The following KIAA1671 variants were observed in gnomAD, a reference collection of about 807,000 sequenced individuals.
The protein encoded by KIAA1671 is uncharacterized protein KIAA1671.
KIAA1671 carries 52 observed loss-of-function variants against 131.2 expected under a neutral mutation model. The observed-to-expected ratio is 0.40, with a 90% CI of 0.32 to 0.50. The LOEUF (loss-of-function observed/expected upper bound fraction) is 0.50, where lower values mean the gene tolerates loss of function less well. Among genes scored for constraint, KIAA1671 ranks in the 20% least tolerant of loss-of-function variants. The probability of loss-of-function intolerance (pLI) is 0.73; values close to 1 mark genes in which losing one functional copy is unlikely to be tolerated. For missense variants in KIAA1671, 2,360 were observed against 2,364.2 expected (o/e 1.00, Z 0.04); for synonymous variants, 1,003 against 961.6 (o/e 1.04, Z -0.80).
intron 1 of KIAA1671, among the ~76,000 whole-genome samples, chr22:25,016,859 C>T (rs7292362): frequency 0.21 from 31,598 of 152,094 alleles, 3,480 homozygotes; most frequent in Middle Eastern, 0.3. Flanking sequence ...AGTGAGCCAG[C>T]GGTGTTAAAC....
intron 6 of KIAA1671, among the ~76,000 whole-genome samples, chr22:25,137,124 G>A (rs1228120555): frequency 1.3e-5 from 2 of 152,246 alleles, no homozygotes; most frequent in Non-Finnish European, 2.9e-5. Context: ...CTGGGGTGCA[G>A]TGTTAGGGAT....
In KIAA1671 at chr22:25,177,354, T is replaced by A. The variant is rs1934069862; in HGVS notation, c.4906T>A (p.Ser1636Thr). 6.5e-7 allele frequency: 1 copy of A among 1,549,182 alleles called. No homozygotes were observed. The highest frequency in any genetic ancestry group is 8.7e-7 in the Non-Finnish European group (1 of 1,145,596). Residue 1636 changes from serine to threonine, a missense_variant, in exon 9 of 13, where the codon TCA becomes ACA. Coordinates refer to ENST00000358431, the MANE Select transcript of KIAA1671 (RefSeq NM_001145206.2). ...VDDFSFIDQT[S>T]VLDSSALKTR... ...CTCCCTGCTGCTCCCAAAGCAAACC[T>A]CAGTCCTCGACTCAAGTGCCCTCAA...
At chr22:24,954,311 G>A (rs1921576991) in intron 1 of KIAA1671, among the ~76,000 whole-genome samples, 1 of 152,074 alleles carries the variant, frequency 6.6e-6, no homozygotes, top group African/African-American at 2.4e-5. Context: ...CTGGACAAAC[G>A]TGTGCACCCC....
intron 1 of KIAA1671, among the ~76,000 whole-genome samples, chr22:25,021,719 ACCT>A (rs1281609511): frequency 6.6e-5 from 10 of 151,236 alleles, no homozygotes; most frequent in Admixed American, 2.0e-4. Context: ...TGGAGGACAG[ACCT>A]CCTGTGCACA....
chr22:24,955,432 T>C (rs1186936701), intron 1 of KIAA1671, among the ~76,000 whole-genome samples: 1 of 152,152 alleles, frequency 6.6e-6, no homozygotes, highest in Non-Finnish European at 1.5e-5. Flanking sequence ...AGTTTAGTTT[T>C]CTCGACAGCC....
intron 6 of KIAA1671, among the ~76,000 whole-genome samples, chr22:25,074,518 GAAA>G (rs1227603556): frequency 9.0e-6 from 1 of 110,692 alleles, no homozygotes; most frequent in Non-Finnish European, 1.8e-5. Flanking sequence ...AAAAAAAAAA[GAAA>G]GAAAGAAATT....
intron 1 of KIAA1671, among the ~76,000 whole-genome samples, chr22:24,974,325 CCG>C (rs1772219674): frequency 1.3e-5 from 2 of 152,134 alleles, no homozygotes; most frequent in African/African-American, 4.8e-5. Flanking sequence ...ACCAATGCTA[CCG>C]TTTGTTAACC....
intron 3 of KIAA1671, among the ~76,000 whole-genome samples, chr22:25,030,191 CGATGTTCTAAGTCATTTGGTTAATAAT>C (rs1926206597): frequency 3.3e-5 from 5 of 152,014 alleles, no homozygotes; most frequent in Non-Finnish European, 5.9e-5. Flanking sequence ...TGGTTAATAC[CGATGTTCTAAGTCATTTGGTTAATAAT>C]GATGTTCTAA....
intron 1 of KIAA1671, among the ~76,000 whole-genome samples, chr22:24,959,495 C>T (rs1381771777): frequency 1.3e-5 from 2 of 152,026 alleles, no homozygotes; most frequent in Non-Finnish European, 2.9e-5. Context: ...GCACTCCAGC[C>T]TGGGCAACAG....
At chr22:25,100,936 C>T (rs185126965) in intron 6 of KIAA1671, among the ~76,000 whole-genome samples, 25 of 152,248 alleles carry the variant, frequency 1.6e-4, no homozygotes, top group Admixed American at 6.5e-4. Context: ...TTTATAATCT[C>T]GGAGTGTTGC....
intron 1 of KIAA1671, among the ~76,000 whole-genome samples, chr22:25,005,103 A>G (rs921181997): frequency 6.6e-6 from 1 of 151,980 alleles, no homozygotes; most frequent in Non-Finnish European, 1.5e-5. Context: ...TAATCCCAGC[A>G]CTTTGGGAGG....
chr22:25,079,853 A>G (rs755483058), intron 6 of KIAA1671, among the ~76,000 whole-genome samples: 4 of 152,128 alleles, frequency 2.6e-5, no homozygotes, highest in Non-Finnish European at 4.4e-5. Flanking sequence ...GCCTTTGAGT[A>G]GGTCCCTCTG....
intron 1 of KIAA1671, among the ~76,000 whole-genome samples, chr22:24,997,667 G>A (rs1164943415): frequency 1.3e-5 from 2 of 152,106 alleles, no homozygotes; most frequent in Admixed American, 6.6e-5. Context: ...GGTGAGGGGT[G>A]TGGACTTCAT....
chr22:25,082,042 C>G (rs934273815), intron 6 of KIAA1671, among the ~76,000 whole-genome samples: 3 of 152,072 alleles, frequency 2.0e-5, no homozygotes, highest in Admixed American at 1.3e-4. Context: ...ATGCCCTCTC[C>G]GTGCCCTCTA....
intron 6 of KIAA1671, among the ~76,000 whole-genome samples, chr22:25,154,089 C>T (rs1038926197): frequency 4.6e-5 from 7 of 152,196 alleles, no homozygotes; most frequent in African/African-American, 9.6e-5. Context: ...AAGTAAGGTC[C>T]GGCTCCAAGG....
chr22:25,035,595 A>G (rs964776964), intron 4 of KIAA1671, among the ~76,000 whole-genome samples: 272 of 152,274 alleles, frequency 1.8e-3, no homozygotes, highest in African/African-American at 6.2e-3. Context: ...CATTTTCTGA[A>G]TCATTTCTTT....
chr22:25,125,133 G>A (rs765902725), intron 6 of KIAA1671, among the ~76,000 whole-genome samples: 1 of 152,188 alleles, frequency 6.6e-6, no homozygotes, highest in Non-Finnish European at 1.5e-5. Flanking sequence ...CAGGTTGTTC[G>A]CATCTGGCAT....
At chr22:25,041,788 A>G (rs1485300870) in intron 5 of KIAA1671, among the ~76,000 whole-genome samples, 3 of 152,208 alleles carry the variant, frequency 2.0e-5, no homozygotes, top group Admixed American at 6.5e-5. Flanking sequence ...TTAGTTGCCC[A>G]GGCTGGAGTG....
intron 6 of KIAA1671, among the ~76,000 whole-genome samples, chr22:25,170,612 A>G (rs1933813109): frequency 6.6e-6 from 1 of 152,222 alleles, no homozygotes; most frequent in Non-Finnish European, 1.5e-5. Flanking sequence ...TTTAGCACTG[A>G]AAGTCCTGTA....
Sources: allele counts gnomAD v4.1 joint callset (sites outside exome capture counted in the v4.1 genomes callset), GRCh38; gene constraint gnomAD v4.1.1; transcripts MANE v1.5; gene names NCBI Gene and HGNC (gene_info 2026-07-23, HGNC 2026-07-21).